Variants in VPS50 observed in about 807,000 individuals in gnomAD.
The protein encoded by VPS50 is VPS50 subunit of EARP/GARPII complex.
Under a neutral mutation model 139.7 loss-of-function variants are expected in VPS50, and 70 were observed. The observed-to-expected ratio is 0.50, with a 90% CI of 0.41 to 0.61. VPS50 has a LOEUF of 0.61. VPS50 is among the 20% of genes least tolerant of loss of function. The pLI is 0.00. For missense variants in VPS50, 921 were observed against 1,133.7 expected, an observed-to-expected ratio of 0.81 and a Z score of 2.69; for synonymous variants, 365 against 376.7, an observed-to-expected ratio of 0.97 and a Z score of 0.36.
At chr7:93,232,993 T>G (rs1043672530) in intron 1 of VPS50, among the ~76,000 whole-genome samples, 2 of 152,352 alleles carry the variant, frequency 1.3e-5, no homozygotes, top group South Asian at 4.1e-4. Context: ...TGAAAATAAT[T>G]ATTTTTGTTC....
intron 16 of VPS50, among the ~76,000 whole-genome samples, chr7:93,300,268 C>T (rs1796939685): frequency 6.6e-6 from 1 of 151,976 alleles, no homozygotes; most frequent in Admixed American, 6.6e-5. Context: ...TAAATTCTAC[C>T]AAACATTTAA....
intron 2 of VPS50, chr7:93,246,078 G>A (rs1471255664): frequency 2.0e-6 from 3 of 1,483,984 alleles, no homozygotes; most frequent in African/African-American, 1.4e-5. Flanking sequence ...GTCACTAAAC[G>A]CTTCTTTTTT....
At chr7:93,260,041 T>C (rs1368212546) in intron 9 of VPS50, among the ~76,000 whole-genome samples, 2 of 152,202 alleles carry the variant, frequency 1.3e-5, no homozygotes, top group Non-Finnish European at 2.9e-5. Flanking sequence ...AGTGTTTGGC[T>C]CATCATGATA....
At chr7:93,309,841 T>C (rs955340764) in intron 19 of VPS50, among the ~76,000 whole-genome samples, 3 of 152,004 alleles carry the variant, frequency 2.0e-5, no homozygotes, top group African/African-American at 7.2e-5. Flanking sequence ...TACTTTTTGC[T>C]TAATGATAGA....
intron 21 of VPS50, among the ~76,000 whole-genome samples, chr7:93,327,343 C>G (rs1296266104): frequency 6.6e-6 from 1 of 151,956 alleles, no homozygotes. Flanking sequence ...CAGAACAGTT[C>G]CAGACCACAT....
chr7:93,293,775 A>G (rs1048108310), intron 13 of VPS50, among the ~76,000 whole-genome samples: 1 of 152,178 alleles, frequency 6.6e-6, no homozygotes, highest in African/African-American at 2.4e-5. Context: ...CCTAACAGCC[A>G]TACCATGGGT....
Position 93,355,992 on chromosome 7 carries a change from C to A in VPS50, c.2687C>A (p.Pro896His). Residue 896 changes from proline (P) to histidine (H), a missense_variant, in exon 27 of 28, where the codon CCC (proline) becomes CAC (histidine). Physicochemically the swap from Pro to His is moderately conservative, Grantham distance 77 (BLOSUM62 -2). This residue lies in a region of VPS50 where 158 missense variants were observed against 156.3 expected (regional missense o/e 1.01). Coordinates refer to ENST00000305866, the MANE Select transcript of VPS50 (RefSeq NM_017667.4). The stretch of plus-strand genomic sequence containing the variant: ...CTTGAAAAACTAACAGATATTAGAC[C>A]CATTCCTGATAAAGAATTTGTAGAA... ...MKLEKLTDIR[P>H]IPDKEFVETY... is the part of the protein sequence containing the mutation. The A allele has an allele frequency of 6.3e-7, 1 of 1,582,886 alleles. No individual in the cohort carries two copies. The highest frequency in any genetic ancestry group is 8.7e-7 in the Non-Finnish European group (1 of 1,155,344).
intron 19 of VPS50, among the ~76,000 whole-genome samples, chr7:93,309,836 T>G (rs973001376): frequency 1.3e-5 from 2 of 152,000 alleles, no homozygotes; most frequent in Admixed American, 1.3e-4. Context: ...AGATATACTT[T>G]TTGCTTAATG....
intron 24 of VPS50, among the ~76,000 whole-genome samples, chr7:93,349,210 A>G (rs1337557130): frequency 1.3e-5 from 2 of 152,148 alleles, no homozygotes; most frequent in Non-Finnish European, 2.9e-5. Context: ...GATGGATTCT[A>G]GACAAAGGGA....
chr7:93,271,937 A>T (rs1028230214), intron 10 of VPS50, among the ~76,000 whole-genome samples: 9 of 151,906 alleles, frequency 5.9e-5, no homozygotes, highest in East Asian at 1.9e-4. Flanking sequence ...TTTTGACCAC[A>T]AATGCAATTA....
At chr7:93,286,196 TAAAA>T (rs530905695) in intron 12 of VPS50, among the ~76,000 whole-genome samples, 1 of 152,148 alleles carries the variant, frequency 6.6e-6, no homozygotes, top group African/African-American at 2.4e-5. Flanking sequence ...TATCTATTCT[TAAAA>T]AAATTTCAAG....
chr7:93,303,672 T>C lies in VPS50; in HGVS notation c.1452+122T>C, dbSNP rs560603730. 6.9e-5 allele frequency: 32 copies of C among 463,074 alleles called. 1 individual carries two copies. In the South Asian group the frequency reaches 1.4e-3, roughly 20 times the overall value. The allele number at this position is 463,074 out of a possible 1,614,324, so 28.7% of individuals were successfully genotyped here. On this transcript the variant is annotated intron_variant, in intron 17 of 27. Transcript: ENST00000305866. ...TAAAATAAATTAAGGAGCAGTTTCT[T>C]ATCTTCCTTCCTTGAAAGTCATTAG...
intron 26 of VPS50, among the ~76,000 whole-genome samples, chr7:93,354,543 C>T (rs142398390): frequency 4.1e-4 from 62 of 152,268 alleles, no homozygotes; most frequent in African/African-American, 1.2e-3. Context: ...GATCCGCCCA[C>T]CTAAGCCTCC....
intron 25 of VPS50, among the ~76,000 whole-genome samples, chr7:93,351,466 G>A (rs1347662264): frequency 6.6e-6 from 1 of 151,940 alleles, no homozygotes; most frequent in African/African-American, 2.4e-5. Flanking sequence ...AGACTAGGTG[G>A]CTTATAAGCA....
intron 21 of VPS50, among the ~76,000 whole-genome samples, chr7:93,331,232 G>GTT (rs769476910): frequency 8.9e-5 from 12 of 135,316 alleles, no homozygotes; most frequent in African/African-American, 1.8e-4. Context: ...CTGTAACAAG[G>GTT]TTTTTTTTTT....
chr7:93,249,403 T>C (rs575435600), intron 2 of VPS50, among the ~76,000 whole-genome samples: 121 of 152,188 alleles, frequency 8.0e-4, no homozygotes, highest in African/African-American at 2.7e-3. Context: ...CGAGGGTTAA[T>C]GATGGAATTG....
chr7:93,274,878 A>G (rs1796108733), intron 11 of VPS50, among the ~76,000 whole-genome samples: 1 of 152,144 alleles, frequency 6.6e-6, no homozygotes, highest in Non-Finnish European at 1.5e-5. Flanking sequence ...TAAAGGATTC[A>G]CCATTCTAGG....
chr7:93,234,487 T>G (rs1234166079), intron 1 of VPS50, among the ~76,000 whole-genome samples: 5 of 152,218 alleles, frequency 3.3e-5, no homozygotes, highest in Non-Finnish European at 7.3e-5. Flanking sequence ...CATACATATT[T>G]AAAGTTATCC....
chr7:93,276,526 T>A, intron 12 of VPS50: 1 of 582,996 alleles, frequency 1.7e-6, no homozygotes, highest in Non-Finnish European at 2.6e-6. Context: ...TGATTGCTTC[T>A]CAATCGACTC....
Sources: gnomAD v4.1 joint callset for allele counts (sites outside exome capture counted in the v4.1 genomes callset) on GRCh38, gnomAD v4.1.1 for gene constraint, gnomAD v4.1.1 regional missense constraint, MANE v1.5 for transcripts, NCBI Gene and HGNC (gene_info 2026-07-23, HGNC 2026-07-21) for gene names.